The following KCNG3 variants were observed in gnomAD, a reference collection of about 807,000 sequenced individuals.
The protein encoded by KCNG3 is potassium voltage-gated channel modifier subfamily G member 3, also known as voltage-gated potassium channel regulatory subunit KCNG3.
A neutral mutation model predicts 29.0 loss-of-function variants in KCNG3; 15 were observed. The ratio of observed to expected loss-of-function variants is 0.52; its 90% CI spans 0.35 to 0.80. KCNG3 has a LOEUF of 0.80. Ranked by LOEUF, KCNG3 falls within the 30% of genes least tolerant of loss-of-function variation. The pLI is 0.01. For synonymous variants in KCNG3, 322 were observed against 248.9 expected, an observed-to-expected ratio of 1.29 and a Z score of -2.76; for missense variants, 512 against 605.7, an observed-to-expected ratio of 0.85 and a Z score of 1.62.
the KCNG3 span, among the ~76,000 whole-genome samples, chr2:42,392,997 G>C: frequency 3.3e-4 from 50 of 152,264 alleles, no homozygotes; most frequent in Middle Eastern, 3.4e-3. Context: ...AAGTCAGTCA[G>C]TCTAGCACAA....
chr2:42,484,841 A>G (rs1174457822), intron 1 of KCNG3, among the ~76,000 whole-genome samples: 1 of 152,266 alleles, frequency 6.6e-6, no homozygotes, highest in Non-Finnish European at 1.5e-5. Context: ...GCCTGTACAC[A>G]TTAAAAGAAA....
the KCNG3 span, among the ~76,000 whole-genome samples, chr2:42,389,516 C>G: frequency 1.3e-5 from 2 of 152,082 alleles, no homozygotes; most frequent in Non-Finnish European, 2.9e-5. Context: ...ATTTATGCTC[C>G]CAGTAGTAAC....
chr2:42,487,048 T>C (rs1000425755), intron 1 of KCNG3, among the ~76,000 whole-genome samples: 12 of 151,214 alleles, frequency 7.9e-5, no homozygotes, highest in East Asian at 4.0e-4. Context: ...TCCCAGCTAG[T>C]TGGGAGGCTG....
chr2:42,478,277 C>T (rs1465454106), intron 1 of KCNG3, among the ~76,000 whole-genome samples: 1 of 151,976 alleles, frequency 6.6e-6, no homozygotes, highest in Admixed American at 6.6e-5. Context: ...ACTATGTTGC[C>T]CAGGTTGGAG....
downstream of KCNG3, among the ~76,000 whole-genome samples, chr2:42,439,944 A>G (rs1420793994): frequency 6.6e-6 from 1 of 152,188 alleles, no homozygotes; most frequent in Non-Finnish European, 1.5e-5. Context: ...TGCCTGGCCA[A>G]GAAAATATTT....
At chr2:42,473,714 G>A (rs1204334857) in intron 1 of KCNG3, among the ~76,000 whole-genome samples, 1 of 151,968 alleles carries the variant, frequency 6.6e-6, no homozygotes, top group Non-Finnish European at 1.5e-5. Context: ...TTTGATAGAT[G>A]TAGTCAAGAA....
intron 1 of KCNG3, among the ~76,000 whole-genome samples, chr2:42,468,544 A>T (rs189536507): frequency 7.2e-5 from 11 of 152,344 alleles, no homozygotes; most frequent in African/African-American, 2.4e-4. Flanking sequence ...CTAACAAAAG[A>T]TATAAAATAA....
At chr2:42,462,319 G>C (rs927654559) in intron 1 of KCNG3, among the ~76,000 whole-genome samples, 1 of 152,196 alleles carries the variant, frequency 6.6e-6, no homozygotes, top group Admixed American at 6.5e-5. Context: ...TGGTAGAAAA[G>C]AAGCAGCTAT....
chr2:42,492,762 G>T, intron 1 of KCNG3, 75 bp downstream of exon 1: 1 of 1,311,220 alleles, frequency 7.6e-7, no homozygotes, highest in Non-Finnish European at 9.9e-7. Flanking sequence ...CGGACAGGAC[G>T]GAGACGGGAC....
the KCNG3 span, among the ~76,000 whole-genome samples, chr2:42,422,951 T>G: frequency 6.6e-6 from 1 of 152,096 alleles, no homozygotes; most frequent in Non-Finnish European, 1.5e-5. Flanking sequence ...AAGCCTAGGT[T>G]ACTTCCTCCA....
chr2:42,440,288 C>T (rs1312630114), downstream of KCNG3: 1 of 152,020 alleles, frequency 6.6e-6, no homozygotes, highest in South Asian at 2.1e-4. Context: ...TCAGAGGACT[C>T]GAAATATTCT....
chr2:42,431,811 G>A, the KCNG3 span, among the ~76,000 whole-genome samples: 1 of 152,150 alleles, frequency 6.6e-6, no homozygotes, highest in Non-Finnish European at 1.5e-5. Flanking sequence ...GCCGACGTGG[G>A]CGGATCACCT....
chr2:42,480,891 G>C (rs1393035859), intron 1 of KCNG3, among the ~76,000 whole-genome samples: 2 of 150,538 alleles, frequency 1.3e-5, no homozygotes, highest in Admixed American at 6.7e-5. Flanking sequence ...AGCAATTTTT[G>C]TGCCTCAGTC....
At chr2:42,464,726 C>T (rs1673099088) in intron 1 of KCNG3, among the ~76,000 whole-genome samples, 1 of 152,188 alleles carries the variant, frequency 6.6e-6, no homozygotes, top group Non-Finnish European at 1.5e-5. Context: ...CAAGTCTGAG[C>T]TCAAGGATCA....
chr2:42,458,671 G>A (rs1261081466), intron 1 of KCNG3, among the ~76,000 whole-genome samples: 1 of 152,140 alleles, frequency 6.6e-6, no homozygotes, highest in Non-Finnish European at 1.5e-5. Context: ...TGACCTAAGT[G>A]CATTGGAGTG....
At chr2:42,399,482 T>C in the KCNG3 span, among the ~76,000 whole-genome samples, 3 of 152,206 alleles carry the variant, frequency 2.0e-5, no homozygotes, top group Non-Finnish European at 2.9e-5. Context: ...ACTGACATGT[T>C]ATATAGCAAA....
chr2:42,485,570 G>A (rs147131482), intron 1 of KCNG3, among the ~76,000 whole-genome samples: 133 of 151,964 alleles, frequency 8.8e-4, no homozygotes, highest in Non-Finnish European at 1.1e-3. Context: ...TCAGCCTCCC[G>A]AGTAGCTCGG....
the KCNG3 span, among the ~76,000 whole-genome samples, chr2:42,413,241 G>A: frequency 1.3e-5 from 2 of 152,162 alleles, no homozygotes; most frequent in Non-Finnish European, 2.9e-5. Context: ...CTGGGCTCAA[G>A]CAATCCTCCC....
At chr2:42,436,147 A>G in the KCNG3 span, among the ~76,000 whole-genome samples, 1 of 152,334 alleles carries the variant, frequency 6.6e-6, no homozygotes, top group African/African-American at 2.4e-5. Context: ...GGCCAGCCAC[A>G]TATCATATGA....
Sources: gnomAD v4.1 joint callset for allele counts (sites outside exome capture counted in the v4.1 genomes callset) on GRCh38, gnomAD v4.1.1 for gene constraint, MANE v1.5 for transcripts, NCBI Gene and HGNC (gene_info 2026-07-23, HGNC 2026-07-21) for gene names.